The following SDK1 variants were observed in gnomAD, a reference collection of about 807,000 sequenced individuals.
SDK1 encodes the protein protein sidekick-1.
A neutral mutation model predicts 245.5 loss-of-function variants in SDK1; 157 were observed. The observed-to-expected ratio is 0.64, with a 90% CI of 0.56 to 0.73. SDK1 has a LOEUF of 0.73. Ranked by LOEUF, SDK1 falls within the 30% of genes least tolerant of loss-of-function variation. The pLI is 0.00. For missense variants in SDK1, 3,583 were observed against 3,002.3 expected, an observed-to-expected ratio of 1.19 and a Z score of -4.52; for synonymous variants, 1,647 against 1,278.5, an observed-to-expected ratio of 1.29 and a Z score of -6.15.
At chr7:3,786,766 C>T (rs1162997218) in intron 4 of SDK1, among the ~76,000 whole-genome samples, 3 of 152,074 alleles carry the variant, frequency 2.0e-5, no homozygotes, top group East Asian at 1.9e-4. Context: ...GTTACCTGTG[C>T]CTGTGCTTTA....
intron 1 of SDK1, among the ~76,000 whole-genome samples, chr7:3,474,675 C>T (rs1003318626): frequency 1.3e-5 from 2 of 152,030 alleles, no homozygotes; most frequent in African/African-American, 4.8e-5. Context: ...ATTGCCATCT[C>T]GCACCTGGGT....
intron 1 of SDK1, among the ~76,000 whole-genome samples, chr7:3,489,286 C>T (rs991663725): frequency 7.9e-5 from 12 of 152,286 alleles, no homozygotes; most frequent in African/African-American, 2.9e-4. Context: ...CCACACACTT[C>T]ATTTGGGATA....
intron 1 of SDK1, among the ~76,000 whole-genome samples, chr7:3,557,519 C>G (rs1424594900): frequency 6.6e-6 from 1 of 152,150 alleles, no homozygotes; most frequent in South Asian, 2.1e-4. Context: ...GTGATGGACA[C>G]AGGAACCCAC....
At chr7:3,763,101 C>T (rs553509808) in intron 4 of SDK1, among the ~76,000 whole-genome samples, 71 of 152,194 alleles carry the variant, frequency 4.7e-4, no homozygotes, top group African/African-American at 1.6e-3. Flanking sequence ...TAAAAATAAG[C>T]CTCCTTATTC....
chr7:3,349,729 G>A (rs766550659), intron 1 of SDK1, among the ~76,000 whole-genome samples: 6 of 151,922 alleles, frequency 3.9e-5, no homozygotes, highest in Non-Finnish European at 7.4e-5. Flanking sequence ...CCTCCCGAGT[G>A]GCTGGGCCTA....
At chr7:3,794,733 C>A (rs1778920546) in intron 4 of SDK1, among the ~76,000 whole-genome samples, 1 of 152,128 alleles carries the variant, frequency 6.6e-6, no homozygotes. Flanking sequence ...GATATACATT[C>A]ACTTTCTGTA....
rs141067063 is a variant in SDK1 at position 4,141,946 on chromosome 7, G to C, written c.4229-3776G>C. Among the ~76,000 whole-genome samples, 1,351 of 152,082 alleles carry C rather than the reference G, an allele frequency of 8.9e-3. 26 individuals carry two copies. Among genetic ancestry groups the C allele is most frequent in the African/African-American group, 0.031 (1,279 of 41,482 alleles). On this transcript the variant is annotated intron_variant, in intron 28 of 44. Transcript: ENST00000404826. The stretch of plus-strand genomic sequence containing the variant: ...TAATTTTTGTATTTTTAGTAGAGGC[G>C]GGGTTTCACCATCTTGGCCAGGGTG...
rs1583270938 is a variant in SDK1, at chr7:3,650,033, T to C, written c.713+7928T>C. Among the ~76,000 whole-genome samples, 6 of 141,994 alleles carry C rather than the reference T, an allele frequency of 4.2e-5. No individual in the cohort carries two copies. In the South Asian group the frequency reaches 1.2e-3, roughly 27 times the overall value. 93.2% of individuals were successfully genotyped at this position (141,994 alleles called of 152,430 possible). ...TGTTTTGAAAAAAAAAAAAAGGCAA[T>C]TAAAATTGTGGTAAAACATAGTTTA... On this transcript the variant is annotated intron_variant, in intron 4 of 44. Coordinates refer to ENST00000404826, the MANE Select transcript of SDK1 (RefSeq NM_152744.4).
chr7:4,135,578 G>C (rs888014798), intron 28 of SDK1, among the ~76,000 whole-genome samples: 1 of 152,204 alleles, frequency 6.6e-6, no homozygotes, highest in South Asian at 2.1e-4. Flanking sequence ...CGGACAAGTA[G>C]GCCGGCAGCC....
At chr7:3,595,473 T>C (rs11977942) in intron 1 of SDK1, among the ~76,000 whole-genome samples, 32,146 of 151,976 alleles carry the variant, frequency 0.21, 3,572 homozygotes, top group Middle Eastern at 0.31. Flanking sequence ...TATTTTCTCA[T>C]TTTTGAAACA....
intron 4 of SDK1, among the ~76,000 whole-genome samples, chr7:3,701,924 C>CAAAAAAAAAAAA (rs58687135): frequency 4.7e-5 from 4 of 85,680 alleles, no homozygotes; most frequent in Non-Finnish European, 1.0e-4. Flanking sequence ...CGTGCATAAG[C>CAAAAAAAAAAAA]AAAAAAAAAA....
intron 1 of SDK1, among the ~76,000 whole-genome samples, chr7:3,317,218 G>A (rs1017303152): frequency 6.7e-6 from 1 of 149,358 alleles, no homozygotes; most frequent in East Asian, 1.9e-4. Flanking sequence ...AGGCTATCAT[G>A]GGAGTGCTTA....
chr7:3,363,012 C>T (rs1442309357), intron 1 of SDK1, among the ~76,000 whole-genome samples: 1 of 152,142 alleles, frequency 6.6e-6, no homozygotes, highest in Admixed American at 6.5e-5. Flanking sequence ...CTTATGGTGG[C>T]ATCTTGTTAA....
At chr7:4,264,357 C>T (rs1231038341) in intron 44 of SDK1, among the ~76,000 whole-genome samples, 6 of 147,804 alleles carry the variant, frequency 4.1e-5, no homozygotes, top group Admixed American at 6.7e-5. Context: ...GTGAGGAGGC[C>T]GTGTAGATCT....
Position 3,951,856 on chromosome 7 carries a change from C to G in SDK1, c.1086C>G (p.Cys362Trp). 6.2e-7 allele frequency: 1 copy of G among 1,613,714 alleles called. No individual in the cohort carries two copies. Among genetic ancestry groups the G allele is most frequent in the Non-Finnish European group, 8.5e-7 (1 of 1,180,012 alleles). ...PTSADTGPYV[C>W]EAALPGSAFE... ...CCGCGGACACCGGGCCATACGTCTGCGAGGCGGCGCTGCCGGGGAGCGCTT... is the reference window on the plus strand; with the variant it reads ...CCGCGGACACCGGGCCATACGTCTGGGAGGCGGCGCTGCCGGGGAGCGCTT... The change falls in exon 7 of 45, where the codon TGC becomes TGG. Residue 362 changes from cysteine to tryptophan, a missense_variant. By Grantham distance (215) the Cys-to-Trp change is radical. Coordinates refer to ENST00000404826, the MANE Select transcript of SDK1 (RefSeq NM_152744.4).
chr7:4,078,960 C>A (rs35256591), intron 21 of SDK1, among the ~76,000 whole-genome samples: 2 of 151,788 alleles, frequency 1.3e-5, no homozygotes, highest in African/African-American at 2.4e-5. Flanking sequence ...CCGGGTGTCA[C>A]GTCGCCTGGG....
chr7:3,981,349 G>A (rs1315809346), intron 13 of SDK1, among the ~76,000 whole-genome samples: 2 of 152,104 alleles, frequency 1.3e-5, no homozygotes, highest in African/African-American at 2.4e-5. Context: ...GTCTCCTTGG[G>A]CCCCTGTATT....
chr7:3,351,728 G>C (rs57893579), intron 1 of SDK1, among the ~76,000 whole-genome samples: 30,736 of 151,918 alleles, frequency 0.2, 3,382 homozygotes, highest in African/African-American at 0.31. Context: ...TTCAGATATA[G>C]GTACATATTA....
intron 4 of SDK1, among the ~76,000 whole-genome samples, chr7:3,645,824 A>G (rs1782817332): frequency 6.6e-6 from 1 of 152,066 alleles, no homozygotes; most frequent in African/African-American, 2.4e-5. Context: ...CTTCCCACAT[A>G]TTGAAATGCA....
Sources: gnomAD v4.1 joint callset for allele counts (sites outside exome capture counted in the v4.1 genomes callset) on GRCh38, gnomAD v4.1.1 for gene constraint, MANE v1.5 for transcripts, NCBI Gene and HGNC (gene_info 2026-07-23, HGNC 2026-07-21) for gene names.